The following SNX25 variants were observed in gnomAD, a reference collection of about 807,000 sequenced individuals.
SNX25 encodes the protein sorting nexin-25.
A neutral mutation model predicts 113.7 loss-of-function variants in SNX25; 62 were observed. The observed-to-expected ratio is 0.55, with a 90% CI of 0.44 to 0.67. SNX25 has a LOEUF of 0.67. Among genes scored for constraint, SNX25 ranks in the 30% least tolerant of loss-of-function variants. The probability of loss-of-function intolerance (pLI) is 0.00; values close to 1 mark genes in which losing one functional copy is unlikely to be tolerated. For synonymous variants in SNX25, 421 were observed against 436.2 expected (o/e 0.97, Z 0.43); for missense variants, 1,014 against 1,161.0 (o/e 0.87, Z 1.84).
intron 12 of SNX25, among the ~76,000 whole-genome samples, chr4:185,343,358 G>A (rs959101719): frequency 1.3e-5 from 2 of 152,212 alleles, no homozygotes; most frequent in African/African-American, 2.4e-5. Context: ...TTTTTTGGTA[G>A]TAGCAGTAGT....
At chr4:185,345,759 C>T (rs2095282797) in intron 12 of SNX25, among the ~76,000 whole-genome samples, 1 of 151,994 alleles carries the variant, frequency 6.6e-6, no homozygotes, top group South Asian at 2.1e-4. Context: ...CCACTGCACT[C>T]AGCCTGGGTG....
intron 12 of SNX25, among the ~76,000 whole-genome samples, chr4:185,344,684 C>T (rs1180926866): frequency 1.3e-5 from 2 of 152,182 alleles, no homozygotes; most frequent in African/African-American, 4.8e-5. Flanking sequence ...GGTTTGAAGC[C>T]ACGCTGCTCC....
At chr4:185,216,362 G>T (rs745488659) in intron 1 of SNX25, among the ~76,000 whole-genome samples, 8 of 152,194 alleles carry the variant, frequency 5.3e-5, no homozygotes, top group Admixed American at 5.2e-4. Flanking sequence ...ATAATCTGTC[G>T]TGATGGAACT....
intron 16 of SNX25, 64 bp from the exon 17 acceptor site, chr4:185,361,860 C>A: frequency 6.6e-7 from 1 of 1,504,670 alleles, no homozygotes; most frequent in Non-Finnish European, 9.1e-7. Flanking sequence ...TTGATAAGTG[C>A]CTTTTGAGAA....
chr4:185,361,566 C>T (rs1397354244), intron 16 of SNX25, among the ~76,000 whole-genome samples: 5 of 152,028 alleles, frequency 3.3e-5, no homozygotes, highest in South Asian at 2.1e-4. Flanking sequence ...GGCGAAACCC[C>T]GTCTCTACTA....
rs780901347 is a variant in SNX25 at position 185,363,723 on chromosome 4, A to C, written c.*258A>C. 22 of 323,762 alleles carry C rather than the reference A, an allele frequency of 6.8e-5. No homozygotes were observed. Among genetic ancestry groups the C allele is most frequent in the Non-Finnish European group, 1.1e-4 (20 of 175,638 alleles). The allele number at this position is 323,762 out of a possible 1,614,324, so 20.1% of individuals were successfully genotyped here. ...TACCGATTGAAATACAAATGTTAAT[A>C]TGTGAGAACCTAGGAAGTATTTTAA... On this transcript the variant is annotated 3_prime_UTR_variant, in exon 19 of 19. Transcript: ENST00000652585. This position sits in a 1 kb window ranked among gnomAD's most constrained non-coding sequence, Gnocchi z 4.2.
Position 185,247,211 on chromosome 4 carries a change from G to A in SNX25, c.430-83G>A, listed in dbSNP as rs146808217. 1.6e-5 allele frequency: 14 copies of A among 858,206 alleles called. No individual in the cohort carries two copies. In the African/African-American group the frequency reaches 1.9e-4, roughly 12 times the overall value. The allele number at this position is 858,206 out of a possible 1,614,324, so 53.2% of individuals were successfully genotyped here. ...GCCTTATCTTAATGCTTGTTTAGAT[G>A]GCATTTCATACCTTTGATTTTTTTT... On this transcript the variant is annotated intron_variant, in intron 1 of 18. Transcript: ENST00000652585.
At chr4:185,376,962 G>A in the SNX25 span, 3 of 1,613,960 alleles carry the variant, frequency 1.9e-6, no homozygotes, top group Middle Eastern at 1.6e-4. Flanking sequence ...TCTCCTTTCA[G>A]TATTCTTTCC....
upstream of SNX25, among the ~76,000 whole-genome samples, chr4:185,208,546 G>C (rs542244213): frequency 8.2e-4 from 125 of 151,922 alleles, 1 homozygote; most frequent in African/African-American, 2.9e-3. Context: ...TGGCTAATAT[G>C]GTGAAACCCC....
At chr4:185,217,726 G>T (rs1739098017) in intron 1 of SNX25, among the ~76,000 whole-genome samples, 1 of 152,156 alleles carries the variant, frequency 6.6e-6, no homozygotes, top group Non-Finnish European at 1.5e-5. Context: ...TAAAATGTAG[G>T]ATTCTTTATA....
rs376718955 is a variant in SNX25, at chr4:185,361,991, C to A, written c.2719C>A (p.Arg907=). 9 of 1,613,864 alleles carry A rather than the reference C, an allele frequency of 5.6e-6. No homozygotes were observed. The highest frequency in any genetic ancestry group is 7.6e-6 in the Non-Finnish European group (9 of 1,179,918). The stretch of plus-strand genomic sequence containing the variant: ...GTTGGTTTACTACATCAATATTTTC[C>A]GGGATGCTTTTTGGCCAAATGGGAA... The part of the protein sequence containing the change: ...QMLVYYINIF[R]DAFWPNGKLA... Residue 907 remains arginine (R), a synonymous_variant, in exon 17 of 19, where the codon CGG becomes AGG. Transcript: ENST00000652585.
At chr4:185,220,475 A>G (rs1739615899) in intron 1 of SNX25, among the ~76,000 whole-genome samples, 1 of 142,108 alleles carries the variant, frequency 7.0e-6, no homozygotes, top group African/African-American at 2.6e-5. Flanking sequence ...AGGTCCCACA[A>G]CTGAGTCCCT....
chr4:185,209,751 T>TC lies in SNX25; in HGVS notation c.-71dup, dbSNP rs1416244772. 1 of 983,328 alleles carries TC rather than the reference T, an allele frequency of 1.0e-6. No individual in the cohort carries two copies. The highest frequency in any genetic ancestry group is 1.2e-6 in the Non-Finnish European group (1 of 829,306). 60.9% of individuals were successfully genotyped at this position (983,328 alleles called of 1,614,324 possible). On this transcript the variant is annotated 5_prime_UTR_variant, in exon 1 of 19. An upstream open reading frame in the 5' UTR loses its in-frame stop. Transcript: ENST00000652585. The surrounding 1 kb of genome is among the most constrained non-coding windows in gnomAD (Gnocchi z 5.2). ...CCGCGGGCGAGGCATGAGCGCGGGC[T>TC]CCCCCTGCCTCCGGAGCGCCGGCGG...
At chr4:185,322,019 C>T (rs956011183) in intron 8 of SNX25, among the ~76,000 whole-genome samples, 7 of 152,204 alleles carry the variant, frequency 4.6e-5, no homozygotes, top group African/African-American at 1.7e-4. Context: ...TAGAACCAAT[C>T]TTCCATAGAT....
chr4:185,239,210 G>A (rs536471954), intron 1 of SNX25, among the ~76,000 whole-genome samples: 15 of 152,200 alleles, frequency 9.9e-5, no homozygotes, highest in East Asian at 1.9e-4. Flanking sequence ...TGCCAGGCGC[G>A]GTGGCTCACA....
intron 1 of SNX25, among the ~76,000 whole-genome samples, chr4:185,217,207 C>T (rs1467396848): frequency 6.6e-6 from 1 of 151,308 alleles, no homozygotes; most frequent in African/African-American, 2.4e-5. Flanking sequence ...GAGCCAAGGT[C>T]GCACCACTGC....
chr4:185,310,964 G>A (rs1755161049), intron 7 of SNX25, 148 bp downstream of exon 7: 11 of 799,138 alleles, frequency 1.4e-5, no homozygotes, highest in Non-Finnish European at 2.1e-5. Context: ...GAGTCAAGGA[G>A]CTACATTCCT....
chr4:185,338,363 A>G (rs919114699), intron 10 of SNX25, among the ~76,000 whole-genome samples: 1 of 150,376 alleles, frequency 6.6e-6, no homozygotes, highest in African/African-American at 2.5e-5. Flanking sequence ...GCAACCTCCA[A>G]CCCCTGAGTT....
chr4:185,371,355 T>G (rs113696773), downstream of SNX25, among the ~76,000 whole-genome samples: 18 of 151,856 alleles, frequency 1.2e-4, no homozygotes, highest in Non-Finnish European at 1.9e-4. Context: ...CTGGCTAACA[T>G]GGTGAAACCC....
Sources: gnomAD v4.1 joint callset for allele counts (sites outside exome capture counted in the v4.1 genomes callset) on GRCh38, gnomAD v4.1.1 for gene constraint, Gnocchi (gnomAD v3.1) non-coding constraint, MANE v1.5 for transcripts, NCBI Gene and HGNC (gene_info 2026-07-23, HGNC 2026-07-21) for gene names.